The following SLIT3 variants were observed in gnomAD, a reference collection of about 807,000 sequenced individuals.
SLIT3 encodes slit homolog 3 protein.
A neutral mutation model predicts 184.0 loss-of-function variants in SLIT3; 68 were observed. The ratio of observed to expected loss-of-function variants is 0.37; its 90% CI spans 0.30 to 0.45. The LOEUF (loss-of-function observed/expected upper bound fraction) is 0.45. Ranked by LOEUF, SLIT3 falls within the 20% of genes least tolerant of loss-of-function variation. SLIT3 has a pLI of 1.00. For synonymous variants in SLIT3, 831 were observed against 828.6 expected, an observed-to-expected ratio of 1.00 and a Z score of -0.05; for missense variants, 1,707 against 2,026.0, an observed-to-expected ratio of 0.84 and a Z score of 3.02.
rs1379199456 is a variant in SLIT3 at position 168,806,173 on chromosome 5, G to A, written c.935+273C>T. 3.3e-5 allele frequency among the ~76,000 whole-genome samples: 5 copies of A among 152,244 alleles called. No individual in the cohort carries two copies. In the East Asian group the frequency reaches 9.6e-4, roughly 29 times the overall value. ...GCCACAGGCAGGACACATATAAATG[G>A]ATGTGGAGGTATTCAAAAACATTTA... On this transcript the variant is annotated intron_variant, in intron 9 of 35. Coordinates refer to ENST00000519560, the MANE Select transcript of SLIT3 (RefSeq NM_003062.4).
intron 17 of SLIT3, among the ~76,000 whole-genome samples, 155 bp from the exon 18 acceptor site, chr5:168,753,253 G>T (rs1754781406): frequency 6.6e-6 from 1 of 152,184 alleles, no homozygotes; most frequent in Non-Finnish European, 1.5e-5. Flanking sequence ...GTGATAGCAG[G>T]GACTGGAGCC....
intron 4 of SLIT3, among the ~76,000 whole-genome samples, chr5:169,117,159 A>G (rs1760701410): frequency 6.6e-6 from 1 of 152,222 alleles, no homozygotes; most frequent in Admixed American, 6.5e-5. Flanking sequence ...AGAAGGTACC[A>G]AGAAAGGTGT....
chr5:168,763,038 C>T (rs1490853190), intron 14 of SLIT3, among the ~76,000 whole-genome samples: 1 of 152,098 alleles, frequency 6.6e-6, no homozygotes, highest in Non-Finnish European at 1.5e-5. Context: ...TGCAGGTGTA[C>T]AGTCTACGAT....
At chr5:168,993,438 A>G (rs1002296753) in intron 4 of SLIT3, among the ~76,000 whole-genome samples, 1 of 152,204 alleles carries the variant, frequency 6.6e-6, no homozygotes, top group African/African-American at 2.4e-5. Context: ...GGCAGGACAG[A>G]TGGAGACCCA....
At chr5:168,967,890 T>C (rs921054164) in intron 4 of SLIT3, among the ~76,000 whole-genome samples, 1 of 152,318 alleles carries the variant, frequency 6.6e-6, no homozygotes, top group African/African-American at 2.4e-5. Context: ...GCAGAAAAGA[T>C]GATGTCTGCA....
chr5:169,157,355 G>C (rs1285402423), intron 4 of SLIT3, among the ~76,000 whole-genome samples: 1 of 152,208 alleles, frequency 6.6e-6, no homozygotes, highest in Non-Finnish European at 1.5e-5. Context: ...TCTACCCTGA[G>C]GTGTTGGGAG....
In SLIT3 at chr5:168,781,484, C is replaced by T. The variant is rs79442265; in HGVS notation, c.1151+4423G>A. On this transcript the variant is annotated intron_variant, in intron 12 of 35. Coordinates refer to ENST00000519560, the MANE Select transcript of SLIT3 (RefSeq NM_003062.4). The stretch of plus-strand genomic sequence containing the variant: ...GTACACAAGAGAGGGAAGAACCCTT[C>T]CCTCAAGAACGCATCGCCAAGTCAG... Among the ~76,000 whole-genome samples the T allele has an allele frequency of 5.4e-3, 815 of 152,292 alleles. 5 individuals carry two copies. Among genetic ancestry groups the T allele is most frequent in the African/African-American group, 0.018 (746 of 41,564 alleles).
At chr5:169,006,631 A>T (rs556359155) in intron 4 of SLIT3, among the ~76,000 whole-genome samples, 3 of 144,376 alleles carry the variant, frequency 2.1e-5, no homozygotes, top group Non-Finnish European at 4.5e-5. Flanking sequence ...ACACACACAC[A>T]ACTCTCCAAG....
rs375314332 is a variant in SLIT3 at position 168,844,205 on chromosome 5, G to A, written c.557+379C>T. On this transcript the variant is annotated intron_variant, in intron 6 of 35. Coordinates refer to ENST00000519560, the MANE Select transcript of SLIT3 (RefSeq NM_003062.4). ...CCAACCCCGGCCCCTGTCTCCCAGT[G>A]TGCCCGCACTCAAACACACTGTCCC... 3.3e-5 allele frequency among the ~76,000 whole-genome samples: 5 copies of A among 152,174 alleles called. No homozygotes were observed. In the South Asian group the frequency reaches 1.0e-3, roughly 32 times the overall value.
chr5:168,696,124 C>T (rs77078040), intron 28 of SLIT3, among the ~76,000 whole-genome samples, 168 bp downstream of exon 28: 7,508 of 152,172 alleles, frequency 0.049, 259 homozygotes, highest in Non-Finnish European at 0.069. Flanking sequence ...GTGGAGGACA[C>T]GGAGAAGCAA....
At chr5:169,263,586 C>A (rs778225792) in intron 1 of SLIT3, 1 of 473,390 alleles carries the variant, frequency 2.1e-6, no homozygotes, top group South Asian at 1.6e-5. Context: ...TGTAAGGCAC[C>A]CAGTTTGTGG....
intron 4 of SLIT3, among the ~76,000 whole-genome samples, chr5:169,088,589 C>T (rs1472926482): frequency 6.6e-6 from 1 of 152,078 alleles, no homozygotes; most frequent in Non-Finnish European, 1.5e-5. Flanking sequence ...TATGGAGAGA[C>T]TGATAATTAC....
chr5:169,205,650 T>G (rs1329786423), intron 3 of SLIT3, among the ~76,000 whole-genome samples: 2 of 152,226 alleles, frequency 1.3e-5, no homozygotes, highest in Non-Finnish European at 2.9e-5. Context: ...TCCACTTATC[T>G]AACAGAATTA....
At chr5:168,891,575 A>G (rs1760461257) in intron 4 of SLIT3, among the ~76,000 whole-genome samples, 1 of 152,204 alleles carries the variant, frequency 6.6e-6, no homozygotes, top group African/African-American at 2.4e-5. Context: ...GGTGATGAAC[A>G]GGGCTGAACA....
chr5:169,249,140 T>G (rs1285532865), intron 2 of SLIT3, among the ~76,000 whole-genome samples: 1 of 152,186 alleles, frequency 6.6e-6, no homozygotes, highest in Non-Finnish European at 1.5e-5. Context: ...AGGAAAAATA[T>G]GGTAAAAATG....
At chr5:168,971,757 G>A (rs1246196460) in intron 4 of SLIT3, among the ~76,000 whole-genome samples, 2 of 152,224 alleles carry the variant, frequency 1.3e-5, no homozygotes, top group East Asian at 3.9e-4. Flanking sequence ...CCATAGAAAT[G>A]TCTGCTTTGA....
rs1762970132 is a variant in SLIT3, at chr5:168,722,347, T to C, written c.2412-20A>G. On this transcript the variant is annotated intron_variant, in intron 22 of 35. Coordinates refer to ENST00000519560, the MANE Select transcript of SLIT3 (RefSeq NM_003062.4). ...AGGATCCTGTGGAAAAGGAGGCATGTGCCCTGTTGTGTCTTTCTATTCTCT... is the reference window on the plus strand; with the variant it reads ...AGGATCCTGTGGAAAAGGAGGCATGCGCCCTGTTGTGTCTTTCTATTCTCT... 1 of 1,611,608 alleles carries C rather than the reference T, an allele frequency of 6.2e-7. No individual in the cohort carries two copies. Among genetic ancestry groups the C allele is most frequent in the East Asian group, 2.2e-5 (1 of 44,878 alleles).
rs559842449 is a variant in SLIT3, at chr5:168,970,054, G to A, written c.414-86718C>T. Among the ~76,000 whole-genome samples, 6 of 152,260 alleles carry A rather than the reference G, an allele frequency of 3.9e-5. No homozygotes were observed. The East Asian group carries it at 5.8e-4, about 15-fold the overall frequency. ...AAATTAGCCGGGTGTGGTGGCAGGCGCCTGTAGTCCCAGCTATTCGGGAGG... is the reference window on the plus strand; with the variant it reads ...AAATTAGCCGGGTGTGGTGGCAGGCACCTGTAGTCCCAGCTATTCGGGAGG... On this transcript the variant is annotated intron_variant, in intron 4 of 35. Coordinates refer to ENST00000519560, the MANE Select transcript of SLIT3 (RefSeq NM_003062.4).
rs1760632510 is a variant in SLIT3, at chr5:168,895,574, C to A, written c.414-12238G>T. On this transcript the variant is annotated intron_variant, in intron 4 of 35. Coordinates refer to ENST00000519560, the MANE Select transcript of SLIT3 (RefSeq NM_003062.4). Reference sequence around the variant, plus strand: ...AGCAAGAGCTCAGCACCCTGAGTTGCAAAGCTGGCCTCCAGAAGCCCAGTA... The same window carrying A: ...AGCAAGAGCTCAGCACCCTGAGTTGAAAAGCTGGCCTCCAGAAGCCCAGTA... Among the ~76,000 whole-genome samples the A allele has an allele frequency of 2.0e-5, 3 of 152,300 alleles. No individual in the cohort carries two copies. The South Asian group carries it at 6.2e-4, about 32-fold the overall frequency.
Sources: gnomAD v4.1 joint callset for allele counts (sites outside exome capture counted in the v4.1 genomes callset) on GRCh38, gnomAD v4.1.1 for gene constraint, MANE v1.5 for transcripts, NCBI Gene and HGNC (gene_info 2026-07-23, HGNC 2026-07-21) for gene names.